GLT1D1: variants seen among roughly 807,000 people sequenced by gnomAD.
GLT1D1 encodes glycosyltransferase 1 domain-containing protein 1.
Under a neutral mutation model 28.7 loss-of-function variants are expected in GLT1D1, and 21 were observed. The ratio of observed to expected loss-of-function variants is 0.73; its 90% CI spans 0.52 to 1.05. The LOEUF (loss-of-function observed/expected upper bound fraction) is 1.05, where lower values mean the gene tolerates loss of function less well. Among genes scored for constraint, GLT1D1 ranks in the 50% least tolerant of loss-of-function variants. GLT1D1 has a pLI of 0.00. For synonymous variants in GLT1D1, 147 were observed against 124.8 expected (o/e 1.18, Z -1.19); for missense variants, 343 against 330.6 (o/e 1.04, Z -0.29).
At position 128,956,171 on chromosome 12, in the gene GLT1D1, A is replaced by AAAAAAAAAGAG. The variant is rs374597920; in HGVS notation, c.541-1373_541-1372insAAAAAAAGAGA. 3.5e-3 allele frequency among the ~76,000 whole-genome samples: 221 copies of AAAAAAAAAGAG among 62,838 alleles called. 2 individuals carry two copies. The highest frequency in any genetic ancestry group is 8.3e-3 in the South Asian group (11 of 1,330). 41.2% of individuals were successfully genotyped at this position (62,838 alleles called of 152,430 possible). A position where few individuals can be genotyped will look rare whatever the true frequency, so the allele number is the denominator to read the frequency against. Reference sequence around the variant, plus strand: ...GAGACTCCATCTCAAAAAAAAAAAAAAGAGAAAGAGAGAAAGAAAGAAAGA... The same window carrying AAAAAAAAAGAG: ...GAGACTCCATCTCAAAAAAAAAAAAAAAAAAAAAGAGAGAGAAAGAGAGAAAGAAAGAAAGA... On this transcript the variant is annotated intron_variant, in intron 6 of 7. Coordinates refer to ENST00000281703, the MANE Select transcript of GLT1D1 (RefSeq NM_144669.3).
In GLT1D1 at chr12:128,953,579, A is replaced by C. The variant is rs142761108; in HGVS notation, c.541-3966A>C. Among the ~76,000 whole-genome samples, 78 of 152,278 alleles carry C rather than the reference A, an allele frequency of 5.1e-4. 1 individual carries two copies. The highest frequency in any genetic ancestry group is 1.8e-3 in the African/African-American group (73 of 41,552). On this transcript the variant is annotated intron_variant, in intron 6 of 7. Transcript: ENST00000281703. Reference sequence around the variant, plus strand: ...AGGCTTTGCCTAACCCACAGTCTTAAAGACTTAACTTGTGTATTTCTCTCT... The same window carrying C: ...AGGCTTTGCCTAACCCACAGTCTTACAGACTTAACTTGTGTATTTCTCTCT...
chr12:128,937,767 C>T (rs1874713007), intron 4 of GLT1D1, among the ~76,000 whole-genome samples: 1 of 152,028 alleles, frequency 6.6e-6, no homozygotes, highest in Non-Finnish European at 1.5e-5. Context: ...AAGGGGCTTC[C>T]CCCTTCACTC....
rs1042733432 is a variant in GLT1D1 at position 128,925,382 on chromosome 12, G to A, written c.376-19944G>A. On this transcript the variant is annotated intron_variant, in intron 4 of 7. Coordinates refer to ENST00000281703, the MANE Select transcript of GLT1D1 (RefSeq NM_144669.3). ...AGGCCCCAGTGTGTCCTTCCCCCAT[G>A]TGTCCATGTGCTCTCATCATTCAGC... Among the ~76,000 whole-genome samples, 3 of 152,182 alleles carry A rather than the reference G, an allele frequency of 2.0e-5. No individual in the cohort carries two copies. In the East Asian group the frequency reaches 5.8e-4, roughly 29 times the overall value.
chr12:128,854,569 C>G (rs1008206041), intron 1 of GLT1D1, among the ~76,000 whole-genome samples: 2 of 152,128 alleles, frequency 1.3e-5, no homozygotes, highest in African/African-American at 2.4e-5. Context: ...GCAATCTGGG[C>G]TCACTGCAAC....
chr12:128,900,141 C>T (rs1257430621), intron 4 of GLT1D1, among the ~76,000 whole-genome samples: 2 of 152,118 alleles, frequency 1.3e-5, no homozygotes, highest in African/African-American at 4.8e-5. Context: ...CTGGTGCCTG[C>T]AAAACTAAAG....
chr12:128,969,672 G>A (rs1483786012), intron 7 of GLT1D1, among the ~76,000 whole-genome samples: 3 of 152,212 alleles, frequency 2.0e-5, no homozygotes, highest in African/African-American at 7.2e-5. Context: ...ACCAAGCAGG[G>A]AGCATCCTGC....
At chr12:128,938,154 G>A (rs1008180877) in intron 4 of GLT1D1, among the ~76,000 whole-genome samples, 3 of 152,124 alleles carry the variant, frequency 2.0e-5, no homozygotes, top group Admixed American at 1.3e-4. Context: ...GTGTGATCCT[G>A]GTTAAGTTAT....
At chr12:128,883,313 C>T (rs866511505) in intron 2 of GLT1D1, among the ~76,000 whole-genome samples, 14 of 150,800 alleles carry the variant, frequency 9.3e-5, no homozygotes, top group South Asian at 4.3e-4. Context: ...AGTTTAGGGC[C>T]GGGCGTAGTG....
chr12:128,877,134 C>T (rs1413201128), intron 2 of GLT1D1, among the ~76,000 whole-genome samples: 3 of 152,154 alleles, frequency 2.0e-5, no homozygotes, highest in African/African-American at 7.2e-5. Flanking sequence ...TCTTAACACT[C>T]ACAAGACCCA....
chr12:128,933,860 C>T (rs1266137501), intron 4 of GLT1D1, among the ~76,000 whole-genome samples: 2 of 152,152 alleles, frequency 1.3e-5, no homozygotes, highest in African/African-American at 2.4e-5. Flanking sequence ...TTGAAGTTGA[C>T]TATTTCCTGC....
At chr12:128,878,803 C>T (rs1471189599) in intron 2 of GLT1D1, among the ~76,000 whole-genome samples, 1 of 151,956 alleles carries the variant, frequency 6.6e-6, no homozygotes, top group African/African-American at 2.4e-5. Context: ...TTTTTAGAGA[C>T]AAGGTCTTGC....
At chr12:128,982,367 AC>A (rs1372527172) in intron 7 of GLT1D1, among the ~76,000 whole-genome samples, 1 of 152,076 alleles carries the variant, frequency 6.6e-6, no homozygotes, top group East Asian at 1.9e-4. Flanking sequence ...AAGAAATTGA[AC>A]CCAGGTCTGG....
chr12:128,900,660 G>A (rs140549286), intron 4 of GLT1D1, among the ~76,000 whole-genome samples: 7,195 of 147,172 alleles, frequency 0.049, 539 homozygotes, highest in African/African-American at 0.17. Flanking sequence ...TTTTGAGACA[G>A]AGTCTCACTC....
intron 4 of GLT1D1, among the ~76,000 whole-genome samples, chr12:128,920,907 TA>T (rs1391007461): frequency 1.3e-5 from 2 of 152,292 alleles, no homozygotes; most frequent in Non-Finnish European, 2.9e-5. Flanking sequence ...CAACATTTAT[TA>T]AAAAAATTAG....
chr12:128,858,948 G>C (rs973359315), intron 1 of GLT1D1, among the ~76,000 whole-genome samples: 5 of 152,220 alleles, frequency 3.3e-5, no homozygotes, highest in Non-Finnish European at 7.4e-5. Context: ...TTGACCTATA[G>C]CTTGGAACTG....
intron 7 of GLT1D1, among the ~76,000 whole-genome samples, chr12:128,966,064 A>C (rs1179258732): frequency 6.6e-6 from 1 of 152,238 alleles, no homozygotes; most frequent in African/African-American, 2.4e-5. Flanking sequence ...GAGATGATGG[A>C]AGATCATTCA....
chr12:128,903,409 A>G (rs946408778), intron 4 of GLT1D1, among the ~76,000 whole-genome samples: 5 of 151,574 alleles, frequency 3.3e-5, no homozygotes, highest in Non-Finnish European at 5.9e-5. Context: ...GACCAAAGCA[A>G]CTCAGCGGGT....
chr12:128,877,747 C>A (rs755915917), intron 2 of GLT1D1, among the ~76,000 whole-genome samples: 1 of 152,156 alleles, frequency 6.6e-6, no homozygotes, highest in South Asian at 2.1e-4. Flanking sequence ...TAACAAATTA[C>A]CCCCTGCCCC....
At chr12:128,958,830 C>CTTTTTTTTT (rs71072432) in intron 7 of GLT1D1, among the ~76,000 whole-genome samples, 4 of 83,856 alleles carry the variant, frequency 4.8e-5, no homozygotes, top group Non-Finnish European at 8.2e-5. Context: ...AAATAAAAAT[C>CTTTTTTTTT]TTTTTTTTTT....
Sources: gnomAD v4.1 joint callset for allele counts (sites outside exome capture counted in the v4.1 genomes callset) on GRCh38, gnomAD v4.1.1 for gene constraint, MANE v1.5 for transcripts, NCBI Gene and HGNC (gene_info 2026-07-23, HGNC 2026-07-21) for gene names.